The following AKT3 variants were observed in gnomAD, a reference collection of about 807,000 sequenced individuals.
The protein encoded by AKT3 is RAC-gamma serine/threonine-protein kinase.
A neutral mutation model predicts 65.3 loss-of-function variants in AKT3; 15 were observed. The observed-to-expected ratio is 0.23, with a 90% CI of 0.15 to 0.35. AKT3 has a LOEUF of 0.35. AKT3 is among the 10% of genes least tolerant of loss of function. The probability of loss-of-function intolerance (pLI) is 1.00; values close to 1 mark genes in which losing one functional copy is unlikely to be tolerated. For missense variants in AKT3, 243 were observed against 576.5 expected, an observed-to-expected ratio of 0.42 and a Z score of 5.92; for synonymous variants, 206 against 183.8, an observed-to-expected ratio of 1.12 and a Z score of -0.98.
intron 2 of AKT3, among the ~76,000 whole-genome samples, chr1:243,771,764 T>C (rs146332866): frequency 0.015 from 2,308 of 152,154 alleles, 23 homozygotes; most frequent in Non-Finnish European, 0.023. Flanking sequence ...AGAAACTGGA[T>C]GCCATGCTAC....
At chr1:243,555,355 T>C (rs1673338835) in intron 10 of AKT3, among the ~76,000 whole-genome samples, 1 of 152,182 alleles carries the variant, frequency 6.6e-6, no homozygotes, top group Admixed American at 6.5e-5. Flanking sequence ...GTATCCTACA[T>C]GTGGATACAT....
At chr1:243,533,559 A>T (rs563403061) in intron 12 of AKT3, among the ~76,000 whole-genome samples, 37 of 152,332 alleles carry the variant, frequency 2.4e-4, no homozygotes, top group African/African-American at 8.2e-4. Context: ...AAAAAAAGTT[A>T]AAAAAGCATA....
chr1:243,600,829 C>T (rs1231081616), intron 8 of AKT3, among the ~76,000 whole-genome samples: 1 of 152,066 alleles, frequency 6.6e-6, no homozygotes, highest in Non-Finnish European at 1.5e-5. Context: ...ACAAAATGTA[C>T]AAATCATAAG....
intron 12 of AKT3, among the ~76,000 whole-genome samples, chr1:243,527,537 C>T (rs1402312410): frequency 2.6e-5 from 4 of 152,100 alleles, no homozygotes; most frequent in African/African-American, 9.7e-5. Flanking sequence ...TAGCAGTCAG[C>T]ATAAAATTGG....
At chr1:243,596,730 A>G (rs1676642175) in intron 8 of AKT3, among the ~76,000 whole-genome samples, 4 of 152,228 alleles carry the variant, frequency 2.6e-5, no homozygotes, top group Admixed American at 1.3e-4. Context: ...AGTATTAATT[A>G]AAGAGAAAAG....
chr1:243,581,540 A>C (rs1675351879), intron 8 of AKT3, among the ~76,000 whole-genome samples: 1 of 152,182 alleles, frequency 6.6e-6, no homozygotes, highest in African/African-American at 2.4e-5. Context: ...AAGAAAAGGG[A>C]AAGGAGAAAA....
In AKT3 at chr1:243,511,254, A is replaced by C. The variant is rs1669993970; in HGVS notation, c.1354+1070T>G. Among the ~76,000 whole-genome samples, 5 of 152,218 alleles carry C rather than the reference A, an allele frequency of 3.3e-5. No individual in the cohort carries two copies. In the South Asian group the frequency reaches 1.0e-3, roughly 31 times the overall value. ...ACCTTAACTTTTTGTGAATCTAAAG[A>C]AAGAAAAGCACACACACGTCATCAT... On this transcript the variant is annotated intron_variant, in intron 13 of 13. Coordinates refer to ENST00000673466, the MANE Select transcript of AKT3 (RefSeq NM_005465.7).
intron 2 of AKT3, among the ~76,000 whole-genome samples, chr1:243,730,648 G>T (rs113557588): frequency 3.9e-5 from 6 of 152,286 alleles, no homozygotes; most frequent in South Asian, 2.1e-4. Flanking sequence ...CCTGGGAGCC[G>T]CCGGCTGGGG....
intron 6 of AKT3, among the ~76,000 whole-genome samples, chr1:243,622,962 G>A (rs1189939705): frequency 6.6e-6 from 1 of 152,144 alleles, no homozygotes; most frequent in Non-Finnish European, 1.5e-5. Context: ...GCAGAAAAAG[G>A]GTAACACATC....
At chr1:243,637,779 T>C in intron 5 of AKT3, 37 bp from the exon 6 acceptor site, 4 of 1,398,650 alleles carry the variant, frequency 2.9e-6, no homozygotes, top group Non-Finnish European at 3.9e-6. Flanking sequence ...ATATGAAGTA[T>C]TTGATGCAAT....
intron 13 of AKT3, among the ~76,000 whole-genome samples, chr1:243,509,088 T>C (rs1313459899): frequency 6.6e-6 from 1 of 152,216 alleles, no homozygotes; most frequent in Non-Finnish European, 1.5e-5. Flanking sequence ...GTGAACCTAT[T>C]ATCATTTAAA....
At chr1:243,609,845 T>G (rs927849912) in intron 8 of AKT3, among the ~76,000 whole-genome samples, 8 of 152,142 alleles carry the variant, frequency 5.3e-5, no homozygotes, top group African/African-American at 1.9e-4. Context: ...AATCATCAAT[T>G]AATTAATCTT....
intron 2 of AKT3, among the ~76,000 whole-genome samples, chr1:243,833,956 T>C (rs558259577): frequency 6.6e-4 from 101 of 151,956 alleles, no homozygotes; most frequent in Non-Finnish European, 1.2e-3. Flanking sequence ...GTATATAGGA[T>C]TCTAATTTGA....
intron 10 of AKT3, among the ~76,000 whole-genome samples, chr1:243,554,039 T>A: frequency 6.6e-6 from 1 of 152,206 alleles, no homozygotes; most frequent in Non-Finnish European, 1.5e-5. Flanking sequence ...TTCCAAACTT[T>A]CTTGCTTCGA....
At chr1:243,511,059 T>C (rs965012423) in intron 13 of AKT3, among the ~76,000 whole-genome samples, 9 of 152,250 alleles carry the variant, frequency 5.9e-5, no homozygotes, top group Admixed American at 3.9e-4. Flanking sequence ...TCTTAGTGAT[T>C]CTAAAATTCT....
intron 8 of AKT3, among the ~76,000 whole-genome samples, chr1:243,584,149 T>A (rs1256759405): frequency 6.6e-6 from 1 of 152,038 alleles, no homozygotes; most frequent in Non-Finnish European, 1.5e-5. Context: ...TTACAACTTA[T>A]CCCACAGGAA....
intron 8 of AKT3, among the ~76,000 whole-genome samples, chr1:243,592,342 A>G (rs180699687): frequency 6.6e-6 from 1 of 152,210 alleles, no homozygotes; most frequent in East Asian, 1.9e-4. Context: ...CTCAAAAAAA[A>G]AAAAGACAAA....
chr1:243,659,470 T>TA (rs35372044), intron 4 of AKT3, among the ~76,000 whole-genome samples: 84,059 of 151,786 alleles, frequency 0.55, 26,450 homozygotes, highest in Non-Finnish European at 0.71. Context: ...ACATTTTTGT[T>TA]AAAAAAAATA....
chr1:243,506,394 C>T (rs2148348228), intron 13 of AKT3, among the ~76,000 whole-genome samples: 1 of 152,328 alleles, frequency 6.6e-6, no homozygotes, highest in Non-Finnish European at 1.5e-5. Context: ...AAGTACATTA[C>T]CAATTTTTTT....
Sources: allele counts gnomAD v4.1 joint callset (sites outside exome capture counted in the v4.1 genomes callset), GRCh38; gene constraint gnomAD v4.1.1; transcripts MANE v1.5; gene names NCBI Gene and HGNC (gene_info 2026-07-23, HGNC 2026-07-21).